The following PDE1C variants were observed in gnomAD, a reference collection of about 807,000 sequenced individuals.
The protein encoded by PDE1C is dual specificity calcium/calmodulin-dependent 3',5'-cyclic nucleotide phosphodiesterase 1C.
A neutral mutation model predicts 93.1 loss-of-function variants in PDE1C; 62 were observed. The ratio of observed to expected loss-of-function variants is 0.67; its 90% confidence interval spans 0.54 to 0.82. The LOEUF is 0.82. Among genes scored for constraint, PDE1C ranks in the 40% least tolerant of loss-of-function variants. The pLI is 0.00. For missense variants in PDE1C, 742 were observed against 884.6 expected (o/e 0.84, Z 2.04); for synonymous variants, 325 against 310.1 (o/e 1.05, Z -0.50).
At chr7:31,819,334 A>G (rs999744124) in intron 14 of PDE1C, among the ~76,000 whole-genome samples, 2 of 152,164 alleles carry the variant, frequency 1.3e-5, no homozygotes, top group Non-Finnish European at 2.9e-5. Context: ...TTTTAACTGC[A>G]ATCAGATTCC....
At chr7:32,292,812 A>G (rs57843597) in intron 1 of PDE1C, among the ~76,000 whole-genome samples, 8,988 of 151,562 alleles carry the variant, frequency 0.059, 913 homozygotes, top group African/African-American at 0.21. Context: ...TCTCTCCACC[A>G]CTCCCAACTT....
chr7:32,042,878 A>G (rs1381243977), intron 2 of PDE1C, among the ~76,000 whole-genome samples: 2 of 152,182 alleles, frequency 1.3e-5, no homozygotes. Context: ...ACCAGAGAAT[A>G]CTGTTTTTGA....
At chr7:32,206,792 T>C (rs1352571796) in intron 2 of PDE1C, among the ~76,000 whole-genome samples, 2 of 152,228 alleles carry the variant, frequency 1.3e-5, no homozygotes, top group Non-Finnish European at 2.9e-5. Flanking sequence ...GCTGGCCTTG[T>C]GATAGATGCC....
intron 3 of PDE1C, among the ~76,000 whole-genome samples, chr7:32,086,795 T>C (rs972521205): frequency 2.6e-5 from 4 of 152,216 alleles, no homozygotes; most frequent in South Asian, 2.1e-4. Flanking sequence ...GAAAACTGGC[T>C]AGCCATATGT....
intron 3 of PDE1C, among the ~76,000 whole-genome samples, chr7:32,088,796 A>C (rs953571230): frequency 2.2e-4 from 34 of 152,232 alleles, no homozygotes; most frequent in Non-Finnish European, 4.6e-4. Context: ...AGAGGCTGCA[A>C]GGAAATAACC....
intron 2 of PDE1C, among the ~76,000 whole-genome samples, chr7:32,047,032 G>GT (rs113331207): frequency 4.0e-5 from 6 of 148,710 alleles, no homozygotes; most frequent in African/African-American, 9.9e-5. Flanking sequence ...CTGAAATAGG[G>GT]GTGTGTGTGT....
intron 1 of PDE1C, among the ~76,000 whole-genome samples, chr7:32,357,007 G>T (rs1483250504): frequency 6.6e-6 from 1 of 152,092 alleles, no homozygotes; most frequent in East Asian, 1.9e-4. Flanking sequence ...TCTGGAAAAA[G>T]CCTGTCTTCA....
intron 3 of PDE1C, among the ~76,000 whole-genome samples, chr7:32,120,666 A>G (rs1799248011): frequency 6.7e-6 from 1 of 149,872 alleles, no homozygotes; most frequent in Non-Finnish European, 1.5e-5. Context: ...TGAAAGAAAA[A>G]CAAACAAACA....
chr7:31,691,715 C>T, the PDE1C span, among the ~76,000 whole-genome samples: 1 of 148,218 alleles, frequency 6.7e-6, no homozygotes. Flanking sequence ...CAGATTTTCT[C>T]CTACCATGTT....
chr7:31,680,144 T>C, the PDE1C span, among the ~76,000 whole-genome samples: 6 of 152,214 alleles, frequency 3.9e-5, no homozygotes, highest in African/African-American at 1.4e-4. Context: ...CAAATTAATA[T>C]TCAAGCAAAG....
chr7:32,009,052 A>T (rs1040802587), intron 2 of PDE1C, among the ~76,000 whole-genome samples: 8 of 152,250 alleles, frequency 5.3e-5, no homozygotes, highest in Admixed American at 3.3e-4. Flanking sequence ...AAAATGAAGA[A>T]TCAGTGACTA....
chr7:32,217,209 C>A (rs1312376579), intron 1 of PDE1C, among the ~76,000 whole-genome samples: 1 of 152,230 alleles, frequency 6.6e-6, no homozygotes, highest in African/African-American at 2.4e-5. Flanking sequence ...TCAAATGCAT[C>A]TCAGTATGAA....
chr7:31,623,121 C>A, the PDE1C span, among the ~76,000 whole-genome samples: 1 of 152,052 alleles, frequency 6.6e-6, no homozygotes, highest in Non-Finnish European at 1.5e-5. Flanking sequence ...AGTAGCTTAC[C>A]AACCAAAAAG....
rs140222986 is a variant in PDE1C at position 32,213,150 on chromosome 7, G to A, written c.86-3611C>T. ...TCAGACTGCCTTCCAGATGACTATA[G>A]GAAGCCCCAGGTGTGTTTTGTTTGG... On this transcript the variant is annotated intron_variant, in intron 1 of 18. Transcript: ENST00000396193. Among the ~76,000 whole-genome samples, 47 of 152,266 alleles carry A rather than the reference G, an allele frequency of 3.1e-4. No homozygotes were observed. In the East Asian group the frequency reaches 7.1e-3, roughly 23 times the overall value.
At chr7:31,967,254 G>T (rs1036603788) in intron 2 of PDE1C, among the ~76,000 whole-genome samples, 1 of 152,036 alleles carries the variant, frequency 6.6e-6, no homozygotes, top group African/African-American at 2.4e-5. Context: ...TCAAACAGAC[G>T]CAATAAAAAG....
intron 1 of PDE1C, among the ~76,000 whole-genome samples, chr7:32,383,487 G>A (rs1408065162): frequency 6.6e-6 from 1 of 152,222 alleles, no homozygotes. Flanking sequence ...ATTCTGTAGA[G>A]AAGCAAAAAG....
At chr7:32,404,713 A>G (rs575576709) in intron 1 of PDE1C, among the ~76,000 whole-genome samples, 179 of 152,200 alleles carry the variant, frequency 1.2e-3, no homozygotes, top group Admixed American at 2.0e-3. Context: ...CCATGTCTCT[A>G]TGTGCGTGTG....
At chr7:31,871,130 G>A (rs1795898109) in intron 6 of PDE1C, among the ~76,000 whole-genome samples, 2 of 151,674 alleles carry the variant, frequency 1.3e-5, no homozygotes, top group South Asian at 4.2e-4. Flanking sequence ...TTACAGAAAG[G>A]ACCCCTTCTT....
chr7:32,171,003 C>T (rs73104532), intron 2 of PDE1C, among the ~76,000 whole-genome samples: 46,515 of 151,984 alleles, frequency 0.31, 7,359 homozygotes, highest in East Asian at 0.43. Flanking sequence ...CCAACCCTGC[C>T]TACCCTGCCT....
Sources: gnomAD v4.1 joint callset for allele counts (sites outside exome capture counted in the v4.1 genomes callset) on GRCh38, gnomAD v4.1.1 for gene constraint, MANE v1.5 for transcripts, NCBI Gene and HGNC (gene_info 2026-07-23, HGNC 2026-07-21) for gene names.